The following HIPK1 variants were observed in gnomAD, a reference collection of about 807,000 sequenced individuals.
HIPK1 encodes homeodomain interacting protein kinase 1.
In HIPK1, 28 loss-of-function variants were observed where a neutral mutation model predicts 117.1. The ratio of observed to expected loss-of-function variants is 0.24; its 90% CI spans 0.18 to 0.33. HIPK1 has a LOEUF of 0.33. Among genes scored for constraint, HIPK1 ranks in the 10% least tolerant of loss-of-function variants. The probability of loss-of-function intolerance (pLI) is 1.00; values close to 1 mark genes in which losing one functional copy is unlikely to be tolerated. For synonymous variants in HIPK1, 605 were observed against 562.5 expected (o/e 1.08, Z -1.07); for missense variants, 1,122 against 1,475.1 (o/e 0.76, Z 3.92).
chr1:113,954,689 A>G lies in HIPK1; in HGVS notation c.1239A>G (p.Glu413=). Residue 413 remains glutamate (E), a synonymous_variant, in exon 4 of 16, where the codon GAA becomes GAG. Coordinates refer to ENST00000426820, the MANE Select transcript of HIPK1 (RefSeq NM_198268.3). The stretch of plus-strand genomic sequence containing the variant: ...CACAAACACAAGGCTTGCCAGCTGA[A>G]TATCTTCTCAGTGCCGGAACAAAAA... ...YISQTQGLPA[E]YLLSAGTKTT... The G allele has an allele frequency of 1.2e-6, 2 of 1,613,720 alleles. No individual in the cohort carries two copies. The highest frequency in any genetic ancestry group is 1.7e-6 in the Non-Finnish European group (2 of 1,179,630).
intron 8 of HIPK1, among the ~76,000 whole-genome samples, chr1:113,959,803 G>A (rs754370277): frequency 7.7e-4 from 117 of 152,226 alleles, no homozygotes; most frequent in Non-Finnish European, 1.2e-3. Context: ...TTAAAATTAA[G>A]GTGATGATGA....
intron 3 of HIPK1, 74 bp downstream of exon 3, chr1:113,952,963 A>T: frequency 2.3e-6 from 3 of 1,291,786 alleles, no homozygotes; most frequent in Non-Finnish European, 3.0e-6. Flanking sequence ...AAAGAGAAGT[A>T]CTAAGTACTA....
rs550589087 is a variant in HIPK1, at chr1:113,941,110, A to C, written c.727A>C (p.Ser243Arg). The C allele has an allele frequency of 6.2e-7, 1 of 1,614,262 alleles. No homozygotes were observed. The highest frequency in any genetic ancestry group is 1.1e-5 in the South Asian group (1 of 91,088). Reference sequence around the variant, plus strand: ...AGTGAGCATCCTTTCCCGCCTAAGCAGTGAAAATGCTGATGAGTATAATTT... The same window carrying C: ...AGTGAGCATCCTTTCCCGCCTAAGCCGTGAAAATGCTGATGAGTATAATTT... ...IEVSILSRLS[S>R]ENADEYNFVR... is the part of the protein sequence containing the mutation. Residue 243 changes from serine to arginine, a missense_variant, in exon 2 of 16, where the codon AGT becomes CGT. Around this residue, in one of 6 missense-constraint regions of HIPK1, gnomAD observed 62 missense variants for 121.5 expected, o/e 0.51. Coordinates refer to ENST00000426820, the MANE Select transcript of HIPK1 (RefSeq NM_198268.3). This position sits in a 1 kb window ranked among gnomAD's most constrained non-coding sequence, Gnocchi z 4.9.
At chr1:113,962,806 A>G (rs768952526) in intron 9 of HIPK1, among the ~76,000 whole-genome samples, 4 of 152,096 alleles carry the variant, frequency 2.6e-5, no homozygotes, top group Non-Finnish European at 5.9e-5. Context: ...ATAAGCTTCC[A>G]CTTTTGCACC....
At chr1:113,936,944 A>G (rs916582145) in intron 1 of HIPK1, among the ~76,000 whole-genome samples, 1 of 152,192 alleles carries the variant, frequency 6.6e-6, no homozygotes, top group African/African-American at 2.4e-5. Context: ...AATTTAGAAA[A>G]TTTGCTTCCT....
intron 2 of HIPK1, among the ~76,000 whole-genome samples, chr1:113,950,156 G>A (rs747611815): frequency 1.2e-4 from 19 of 152,016 alleles, no homozygotes; most frequent in Non-Finnish European, 2.4e-4. Flanking sequence ...GCTTAGATGG[G>A]GAGGGATATT....
intron 12 of HIPK1, 128 bp downstream of exon 12, chr1:113,968,076 A>G (rs1367122704): frequency 3.8e-6 from 3 of 779,842 alleles, no homozygotes; most frequent in Admixed American, 6.4e-5. Flanking sequence ...ATTGAGGAAG[A>G]GCAAATCATT....
chr1:113,955,634 A>G lies in HIPK1; in HGVS notation c.1392A>G (p.Leu464=), dbSNP rs771569734. The G allele has an allele frequency of 6.3e-7, 1 of 1,595,686 alleles. No individual in the cohort carries two copies. Among genetic ancestry groups the G allele is most frequent in the Non-Finnish European group, 8.6e-7 (1 of 1,163,756 alleles). ...CTCGGAAGTACATTTTTAATTGCTT[A>G]GATGACATGGCTCAGGTGAGTACGG... ...KEARKYIFNC[L]DDMAQVNMST... The change falls in exon 5 of 16, where the codon TTA becomes TTG. Residue 464 remains leucine, a synonymous_variant. Coordinates refer to ENST00000426820, the MANE Select transcript of HIPK1 (RefSeq NM_198268.3).
intron 2 of HIPK1, among the ~76,000 whole-genome samples, chr1:113,944,638 C>G (rs1268934648): frequency 6.6e-6 from 1 of 151,574 alleles, no homozygotes; most frequent in Non-Finnish European, 1.5e-5. Flanking sequence ...TGCCACCATG[C>G]CCAGCTAATT....
chr1:113,956,896 C>A, intron 6 of HIPK1, 85 bp downstream of exon 6: 1 of 1,254,904 alleles, frequency 8.0e-7, no homozygotes, highest in Non-Finnish European at 1.1e-6. Context: ...AATGAGCCCG[C>A]CACTTTGGTG....
intron 2 of HIPK1, among the ~76,000 whole-genome samples, chr1:113,942,737 A>G (rs372721637): frequency 5.3e-5 from 8 of 152,252 alleles, no homozygotes. Flanking sequence ...GATATATACA[A>G]TTTTGTCTGT....
Position 113,929,415 on chromosome 1 carries a change from G to A in HIPK1, c.-120G>A. Reference sequence around the variant, plus strand: ...GGAGGGGGCGGGAAGTCCAGGCCCCGCACTCGATCCACGCTGGCTCCCTAC... The same window carrying A: ...GGAGGGGGCGGGAAGTCCAGGCCCCACACTCGATCCACGCTGGCTCCCTAC... On this transcript the variant is annotated 5_prime_UTR_variant, in exon 1 of 16. Coordinates refer to ENST00000426820, the MANE Select transcript of HIPK1 (RefSeq NM_198268.3). 1 of 1,289,380 alleles carries A rather than the reference G, an allele frequency of 7.8e-7. No individual in the cohort carries two copies. The highest frequency in any genetic ancestry group is 1.0e-6 in the Non-Finnish European group (1 of 988,856). The allele number at this position is 1,289,380 out of a possible 1,614,324, so 79.9% of individuals were successfully genotyped here.
rs200731484 is a variant in HIPK1, at chr1:113,967,978, A to T, written c.2564+30A>T. 1.9e-4 allele frequency: 302 copies of T among 1,579,622 alleles called. 1 individual carries two copies. The African/African-American group carries it at 3.8e-3, about 20-fold the overall frequency. On this transcript the variant is annotated intron_variant, in intron 12 of 15. Coordinates refer to ENST00000426820, the MANE Select transcript of HIPK1 (RefSeq NM_198268.3). ...GTCTGTGTTACAGCTGATAGTTAAA[A>T]CTGTGCCAGTTTGAGAGATATGTTG...
intron 2 of HIPK1, among the ~76,000 whole-genome samples, chr1:113,947,214 C>T (rs952343207): frequency 1.3e-5 from 2 of 152,202 alleles, no homozygotes. Context: ...ATACTTTACT[C>T]TCTGGCTCAC....
intron 1 of HIPK1, chr1:113,929,978 C>A: frequency 5.1e-6 from 5 of 985,330 alleles, no homozygotes; most frequent in Non-Finnish European, 6.0e-6. Flanking sequence ...CGGCGGGGAG[C>A]GACTTCCCCT....
At chr1:113,936,878 T>A (rs972543726) in intron 1 of HIPK1, among the ~76,000 whole-genome samples, 3 of 152,226 alleles carry the variant, frequency 2.0e-5, no homozygotes, top group African/African-American at 7.2e-5. Context: ...GTGTTTATGT[T>A]TTTTGATAGA....
At chr1:113,929,636 G>C in intron 1 of HIPK1, 104 bp downstream of exon 1, 2 of 1,059,088 alleles carry the variant, frequency 1.9e-6, no homozygotes, top group South Asian at 2.8e-5. Context: ...TGGCGACAAC[G>C]GCGGCTGCGG....
At chr1:113,944,485 T>C (rs1670860748) in intron 2 of HIPK1, among the ~76,000 whole-genome samples, 1 of 150,336 alleles carries the variant, frequency 6.7e-6, no homozygotes, top group Admixed American at 6.6e-5. Context: ...TTTTTTGTTT[T>C]TTTTTTGTTT....
chr1:113,954,901 ATTTCT>A, intron 4 of HIPK1, 131 bp downstream of exon 4: 1 of 819,414 alleles, frequency 1.2e-6, no homozygotes, highest in Non-Finnish European at 1.9e-6. Flanking sequence ...TTGAAAAATT[ATTTCT>A]TTGTACCTGT....
Sources: allele counts gnomAD v4.1 joint callset (sites outside exome capture counted in the v4.1 genomes callset), GRCh38; gene constraint gnomAD v4.1.1; regional missense constraint gnomAD v4.1.1; non-coding constraint Gnocchi (gnomAD v3.1); transcripts MANE v1.5; gene names NCBI Gene and HGNC (gene_info 2026-07-23, HGNC 2026-07-21).